The following FOXP1 variants were observed in gnomAD, a reference collection of about 807,000 sequenced individuals.
The protein encoded by FOXP1 is forkhead box P1, also known as forkhead box protein P1.
A neutral mutation model predicts 98.2 loss-of-function variants in FOXP1; 15 were observed. The ratio of observed to expected loss-of-function variants is 0.15; its 90% CI spans 0.10 to 0.24. The LOEUF (loss-of-function observed/expected upper bound fraction) is 0.24, where lower values mean the gene tolerates loss of function less well. FOXP1 is among the 10% of genes least tolerant of loss of function. The pLI is 1.00. For synonymous variants in FOXP1, 371 were observed against 314.5 expected (o/e 1.18, Z -1.90); for missense variants, 633 against 848.5 (o/e 0.75, Z 3.15).
In FOXP1 at chr3:71,262,264, C is replaced by CAAAAAAAAAAAAAA. The variant is rs71104433; in HGVS notation, c.-12+37542_-12+37555dup. 2.7e-4 allele frequency among the ~76,000 whole-genome samples: 7 copies of CAAAAAAAAAAAAAA among 25,714 alleles called. 2 individuals are homozygous for CAAAAAAAAAAAAAA. The highest frequency in any genetic ancestry group is 8.1e-4 in the African/African-American group (6 of 7,426). The allele number at this position is 25,714 out of a possible 152,430, so 16.9% of individuals were successfully genotyped here. ...CTGGCAACAGGACAAGACTCTGTCA[C>CAAAAAAAAAAAAAA]AAAAAAAAAAAAAAAAAAAAAAAAA... On this transcript the variant is annotated intron_variant, in intron 5 of 20. Transcript: ENST00000649528.
chr3:71,453,718 A>T (rs931636389), intron 3 of FOXP1, among the ~76,000 whole-genome samples: 1 of 152,196 alleles, frequency 6.6e-6, no homozygotes, highest in African/African-American at 2.4e-5. Flanking sequence ...AATGCTGATG[A>T]CATTTAGAGT....
At chr3:71,140,252 A>T (rs932395511) in intron 6 of FOXP1, among the ~76,000 whole-genome samples, 4 of 152,174 alleles carry the variant, frequency 2.6e-5, no homozygotes, top group Admixed American at 6.5e-5. Flanking sequence ...TTTCATATAC[A>T]CCTTATACAC....
At chr3:71,548,593 T>C (rs1296876330) in intron 2 of FOXP1, among the ~76,000 whole-genome samples, 4 of 152,084 alleles carry the variant, frequency 2.6e-5, no homozygotes, top group Non-Finnish European at 5.9e-5. Context: ...GAGATGGGGT[T>C]TCACCATGTT....
At chr3:71,319,495 G>A (rs2075274124) in intron 4 of FOXP1, among the ~76,000 whole-genome samples, 1 of 152,136 alleles carries the variant, frequency 6.6e-6, no homozygotes, top group South Asian at 2.1e-4. Flanking sequence ...AGATTCTGGT[G>A]TGACTTTATA....
intron 2 of FOXP1, among the ~76,000 whole-genome samples, chr3:71,503,656 T>A (rs1250911442): frequency 1.4e-5 from 2 of 147,366 alleles, no homozygotes; most frequent in Non-Finnish European, 3.0e-5. Flanking sequence ...CACACTATGG[T>A]AAACCTCCTC....
intron 3 of FOXP1, among the ~76,000 whole-genome samples, chr3:71,487,740 C>T (rs988164702): frequency 1.3e-5 from 2 of 152,174 alleles, no homozygotes; most frequent in African/African-American, 4.8e-5. Flanking sequence ...CTGCCCAATA[C>T]ATTAAAAGTT....
intron 4 of FOXP1, among the ~76,000 whole-genome samples, chr3:71,322,711 G>C (rs2075463720): frequency 6.6e-6 from 1 of 152,192 alleles, no homozygotes; most frequent in Non-Finnish European, 1.5e-5. Flanking sequence ...GAGAAGTCTG[G>C]AGAAATTAGG....
At chr3:71,195,452 C>T (rs2108362764) in intron 6 of FOXP1, among the ~76,000 whole-genome samples, 2 of 152,338 alleles carry the variant, frequency 1.3e-5, no homozygotes, top group Middle Eastern at 6.8e-3. Flanking sequence ...AATCCTCCAA[C>T]ATTCAATATA....
intron 5 of FOXP1, among the ~76,000 whole-genome samples, chr3:71,220,413 G>C (rs760836275): frequency 3.9e-5 from 6 of 152,186 alleles, no homozygotes; most frequent in Non-Finnish European, 7.3e-5. Flanking sequence ...CTAGCAGGGA[G>C]GCATCAACAC....
intron 2 of FOXP1, among the ~76,000 whole-genome samples, chr3:71,518,946 G>A (rs1409501850): frequency 1.3e-5 from 2 of 152,190 alleles, no homozygotes; most frequent in Non-Finnish European, 2.9e-5. Context: ...ACATAGCAGG[G>A]GATAAAATAA....
intron 4 of FOXP1, among the ~76,000 whole-genome samples, chr3:71,313,057 CTT>C (rs1227506558): frequency 1.5e-4 from 18 of 119,000 alleles, no homozygotes; most frequent in Admixed American, 1.7e-4. Context: ...AACTTTAATT[CTT>C]TTTTTTTTTT....
intron 6 of FOXP1, among the ~76,000 whole-genome samples, chr3:71,137,495 G>C (rs2059875821): frequency 6.6e-6 from 1 of 152,188 alleles, no homozygotes; most frequent in Non-Finnish European, 1.5e-5. Context: ...AACATTAGAT[G>C]CATGAGGTTT....
intron 3 of FOXP1, among the ~76,000 whole-genome samples, chr3:71,437,610 A>G (rs2085487421): frequency 6.6e-6 from 1 of 152,102 alleles, no homozygotes; most frequent in Admixed American, 6.6e-5. Flanking sequence ...AGTGTTCCCC[A>G]AAGAAGAAGG....
At chr3:71,050,678 G>A (rs945384952) in intron 9 of FOXP1, among the ~76,000 whole-genome samples, 1 of 152,150 alleles carries the variant, frequency 6.6e-6, no homozygotes, top group African/African-American at 2.4e-5. Flanking sequence ...CTTCAAAAGT[G>A]GGTTTTTACC....
At chr3:71,042,853 C>T (rs576631075) in intron 10 of FOXP1, among the ~76,000 whole-genome samples, 20 of 152,274 alleles carry the variant, frequency 1.3e-4, no homozygotes, top group East Asian at 3.9e-4. Flanking sequence ...ATCATCTCAA[C>T]GTGATCAGCC....
chr3:71,508,467 C>T (rs1364634421), intron 2 of FOXP1, among the ~76,000 whole-genome samples: 2 of 152,138 alleles, frequency 1.3e-5, no homozygotes, highest in Non-Finnish European at 1.5e-5. Context: ...TGGAGTCAGA[C>T]GGCCTGGGTG....
chr3:71,322,757 G>A (rs375024467), intron 4 of FOXP1, among the ~76,000 whole-genome samples: 1 of 152,302 alleles, frequency 6.6e-6, no homozygotes, highest in South Asian at 2.1e-4. Context: ...CAAACTAGAA[G>A]TCTGGACTTA....
intron 2 of FOXP1, among the ~76,000 whole-genome samples, chr3:71,531,417 G>A (rs2043837749): frequency 6.6e-6 from 1 of 152,118 alleles, no homozygotes; most frequent in Admixed American, 6.6e-5. Flanking sequence ...AAGAAACTGG[G>A]GCCCTCAACA....
At chr3:71,493,761 C>A (rs1226062269) in intron 2 of FOXP1, among the ~76,000 whole-genome samples, 1 of 152,174 alleles carries the variant, frequency 6.6e-6, no homozygotes, top group Non-Finnish European at 1.5e-5. Context: ...ATCACTTCAA[C>A]ACGTACACTG....
Sources: gnomAD v4.1 joint callset for allele counts (sites outside exome capture counted in the v4.1 genomes callset) on GRCh38, gnomAD v4.1.1 for gene constraint, MANE v1.5 for transcripts, NCBI Gene and HGNC (gene_info 2026-07-23, HGNC 2026-07-21) for gene names.